Variants in DPP10 observed in about 807,000 individuals in gnomAD.
DPP10 encodes the protein inactive dipeptidyl peptidase 10.
Under a neutral mutation model 120.9 loss-of-function variants are expected in DPP10, and 33 were observed. The ratio of observed to expected loss-of-function variants is 0.27; its 90% CI spans 0.21 to 0.37. The LOEUF (loss-of-function observed/expected upper bound fraction) is 0.37, where lower values mean the gene tolerates loss of function less well. Ranked by LOEUF, DPP10 falls within the 10% of genes least tolerant of loss-of-function variation. The probability of loss-of-function intolerance (pLI) is 1.00; values close to 1 mark genes in which losing one functional copy is unlikely to be tolerated. For synonymous variants in DPP10, 337 were observed against 326.1 expected (o/e 1.03, Z -0.36); for missense variants, 816 against 942.8 (o/e 0.87, Z 1.76).
chr2:114,576,032 G>A (rs754816320), intron 1 of DPP10, among the ~76,000 whole-genome samples: 31 of 152,234 alleles, frequency 2.0e-4, no homozygotes, highest in Non-Finnish European at 3.7e-4. Flanking sequence ...TGTTCAGGAT[G>A]TAAAAGAACT....
At chr2:114,909,805 C>G (rs1161490022) in intron 1 of DPP10, among the ~76,000 whole-genome samples, 2 of 152,002 alleles carry the variant, frequency 1.3e-5, no homozygotes, top group East Asian at 3.8e-4. Flanking sequence ...ATAGGAAGCA[C>G]TTTCAGTCTG....
At chr2:115,678,708 C>G (rs1214441089) in intron 5 of DPP10, among the ~76,000 whole-genome samples, 2 of 152,178 alleles carry the variant, frequency 1.3e-5, no homozygotes, top group Non-Finnish European at 2.9e-5. Context: ...AATGTTACAT[C>G]CACTGACAGC....
chr2:115,536,065 C>T (rs2078813774), intron 5 of DPP10, among the ~76,000 whole-genome samples: 1 of 151,918 alleles, frequency 6.6e-6, no homozygotes, highest in Admixed American at 6.6e-5. Flanking sequence ...TAAATAGCAT[C>T]TTTTTATTTT....
At chr2:115,422,845 T>C (rs896294124) in intron 3 of DPP10, among the ~76,000 whole-genome samples, 11 of 152,134 alleles carry the variant, frequency 7.2e-5, no homozygotes, top group Admixed American at 5.2e-4. Context: ...GAAAACTTTT[T>C]AATATCTACA....
intron 1 of DPP10, among the ~76,000 whole-genome samples, chr2:115,095,764 A>G (rs1161165263): frequency 6.6e-6 from 1 of 152,082 alleles, no homozygotes; most frequent in East Asian, 1.9e-4. Flanking sequence ...TAGTCAATTC[A>G]TTTCTGTAGT....
At chr2:115,407,021 TA>T (rs889643828) in intron 3 of DPP10, among the ~76,000 whole-genome samples, 2 of 151,444 alleles carry the variant, frequency 1.3e-5, no homozygotes, top group African/African-American at 4.9e-5. Flanking sequence ...TGGATGAAAA[TA>T]AAAAAAACCC....
intron 1 of DPP10, among the ~76,000 whole-genome samples, chr2:114,990,708 T>C (rs1700707190): frequency 6.6e-6 from 1 of 152,218 alleles, no homozygotes; most frequent in South Asian, 2.1e-4. Flanking sequence ...TCTATCGTGG[T>C]GTCTTTATGG....
At position 115,606,848 on chromosome 2, in the gene DPP10, G is replaced by C. The variant is rs145498953; in HGVS notation, c.441+80876G>C. 3.9e-5 allele frequency among the ~76,000 whole-genome samples: 6 copies of C among 152,232 alleles called. No individual in the cohort carries two copies. The East Asian group carries it at 1.2e-3, about 29-fold the overall frequency. On this transcript the variant is annotated intron_variant, in intron 5 of 25. Coordinates refer to ENST00000410059, the MANE Select transcript of DPP10 (RefSeq NM_020868.6). Reference sequence around the variant, plus strand: ...TATTTTCTTACCCATAACAATCTTTGTCCTTTATTGATATGGGAGATAAAA... The same window carrying C: ...TATTTTCTTACCCATAACAATCTTTCTCCTTTATTGATATGGGAGATAAAA...
Position 114,445,830 on chromosome 2 carries a change from C to T in DPP10, c.60+2992C>T, listed in dbSNP as rs565069163. Among the ~76,000 whole-genome samples, 6 of 152,154 alleles carry T rather than the reference C, an allele frequency of 3.9e-5. No individual in the cohort carries two copies. The South Asian group carries it at 1.2e-3, about 32-fold the overall frequency. On this transcript the variant is annotated intron_variant, in intron 1 of 25. Coordinates refer to ENST00000410059, the MANE Select transcript of DPP10 (RefSeq NM_020868.6). ...CCTGGCATACTTTGGCAGGTATGTT[C>T]CTATCGTCAAAACCAGTAAGGGAGA...
intron 5 of DPP10, among the ~76,000 whole-genome samples, chr2:115,599,177 G>C (rs1410973731): frequency 1.3e-5 from 2 of 151,758 alleles, no homozygotes; most frequent in Admixed American, 1.3e-4. Context: ...TGTCTTATTT[G>C]GCATTTGCTC....
At chr2:114,640,406 AT>A (rs1695618778) in intron 1 of DPP10, among the ~76,000 whole-genome samples, 1 of 151,910 alleles carries the variant, frequency 6.6e-6, no homozygotes, top group African/African-American at 2.4e-5. Flanking sequence ...AACTCATATA[AT>A]TTTTTTAACC....
At chr2:115,802,160 G>A (rs1685325729) in intron 19 of DPP10, among the ~76,000 whole-genome samples, 1 of 152,098 alleles carries the variant, frequency 6.6e-6, no homozygotes, top group South Asian at 2.1e-4. Context: ...GTTTAGTCTT[G>A]GGATAGTGTA....
chr2:115,695,922 C>T (rs1380845682), intron 7 of DPP10, among the ~76,000 whole-genome samples: 1 of 151,892 alleles, frequency 6.6e-6, no homozygotes, highest in African/African-American at 2.4e-5. Flanking sequence ...ACCTAAAAGA[C>T]ACCAAATAAA....
intron 7 of DPP10, among the ~76,000 whole-genome samples, chr2:115,691,561 G>A (rs1054512425): frequency 6.6e-6 from 1 of 151,914 alleles, no homozygotes; most frequent in Non-Finnish European, 1.5e-5. Context: ...CTTCCAGGTG[G>A]TTTGTCTATT....
chr2:114,697,356 T>C (rs1294508899), intron 1 of DPP10, among the ~76,000 whole-genome samples: 1 of 151,986 alleles, frequency 6.6e-6, no homozygotes, highest in Admixed American at 6.6e-5. Flanking sequence ...GTTACCACGG[T>C]TAGTTAGTAG....
intron 1 of DPP10, among the ~76,000 whole-genome samples, chr2:114,798,463 G>C (rs1303012085): frequency 6.6e-6 from 1 of 151,968 alleles, no homozygotes; most frequent in Non-Finnish European, 1.5e-5. Flanking sequence ...TAAGGGGTGT[G>C]TTGCCCAGTA....
chr2:114,667,890 A>G (rs1698049379), intron 1 of DPP10, among the ~76,000 whole-genome samples: 1 of 152,174 alleles, frequency 6.6e-6, no homozygotes, highest in African/African-American at 2.4e-5. Context: ...TTGGACTTGG[A>G]AAAAAATTCT....
At chr2:114,622,884 T>C (rs1011932182) in intron 1 of DPP10, among the ~76,000 whole-genome samples, 1 of 152,100 alleles carries the variant, frequency 6.6e-6, no homozygotes, top group East Asian at 1.9e-4. Context: ...AAATTAACTT[T>C]TTATTTTTGT....
chr2:114,825,179 T>C (rs982377609), intron 1 of DPP10, among the ~76,000 whole-genome samples: 1 of 152,236 alleles, frequency 6.6e-6, no homozygotes, highest in Non-Finnish European at 1.5e-5. Context: ...ATCTTCCCTG[T>C]AGGCTCCGAG....
Sources: allele counts gnomAD v4.1 joint callset (sites outside exome capture counted in the v4.1 genomes callset), GRCh38; gene constraint gnomAD v4.1.1; transcripts MANE v1.5; gene names NCBI Gene and HGNC (gene_info 2026-07-23, HGNC 2026-07-21).